MACROD2: variants seen among roughly 807,000 people sequenced by gnomAD.
MACROD2 encodes the protein mono-ADP ribosylhydrolase 2, also known as ADP-ribose glycohydrolase MACROD2.
MACROD2 carries 36 observed loss-of-function variants against 70.4 expected under a neutral mutation model. The observed-to-expected ratio is 0.51, with a 90% CI of 0.39 to 0.68. The LOEUF (loss-of-function observed/expected upper bound fraction) is 0.68. MACROD2 is among the 30% of genes least tolerant of loss of function. The pLI is 0.00. For synonymous variants in MACROD2, 172 were observed against 178.8 expected, an observed-to-expected ratio of 0.96 and a Z score of 0.30; for missense variants, 496 against 538.4, an observed-to-expected ratio of 0.92 and a Z score of 0.78.
At chr20:14,824,945 G>T (rs1432446119) in intron 5 of MACROD2, among the ~76,000 whole-genome samples, 1 of 152,086 alleles carries the variant, frequency 6.6e-6, no homozygotes, top group African/African-American at 2.4e-5. Flanking sequence ...TTCCATTTAA[G>T]ATAAATGAGG....
At chr20:14,515,503 G>A (rs2085087105) in intron 4 of MACROD2, among the ~76,000 whole-genome samples, 1 of 109,408 alleles carries the variant, frequency 9.1e-6, no homozygotes. Flanking sequence ...ACACACGATG[G>A]AATATTATAC....
At chr20:15,678,552 G>A (rs1344183047) in intron 8 of MACROD2, among the ~76,000 whole-genome samples, 1 of 152,046 alleles carries the variant, frequency 6.6e-6, no homozygotes, top group Non-Finnish European at 1.5e-5. Context: ...GTAGAGACGA[G>A]GTTTCGTTAT....
At chr20:15,044,652 G>A (rs2075379629) in intron 5 of MACROD2, among the ~76,000 whole-genome samples, 1 of 151,992 alleles carries the variant, frequency 6.6e-6, no homozygotes, top group South Asian at 2.1e-4. Context: ...TTTGCTTTTT[G>A]TGATTGTCTA....
intron 8 of MACROD2, among the ~76,000 whole-genome samples, chr20:15,660,767 C>G (rs1490326289): frequency 1.3e-5 from 2 of 152,168 alleles, no homozygotes; most frequent in African/African-American, 4.8e-5. Flanking sequence ...TGTGGGATTT[C>G]TTTTCCTACA....
At chr20:15,178,154 G>A (rs867685229) in intron 5 of MACROD2, among the ~76,000 whole-genome samples, 1 of 152,306 alleles carries the variant, frequency 6.6e-6, no homozygotes, top group Middle Eastern at 3.4e-3. Flanking sequence ...AGCAGTGATT[G>A]TGACTTCAGG....
intron 3 of MACROD2, among the ~76,000 whole-genome samples, chr20:14,466,276 C>A (rs1318777490): frequency 4.6e-5 from 7 of 152,038 alleles, no homozygotes; most frequent in Non-Finnish European, 1.0e-4. Flanking sequence ...CGCTTCATTT[C>A]ATTTATTTCA....
At chr20:16,006,119 C>T (rs2066784581) in intron 15 of MACROD2, among the ~76,000 whole-genome samples, 1 of 152,150 alleles carries the variant, frequency 6.6e-6, no homozygotes, top group East Asian at 1.9e-4. Context: ...AAGCAAAGAC[C>T]CTCTCCTCCG....
intron 3 of MACROD2, among the ~76,000 whole-genome samples, chr20:14,116,054 G>T (rs1173868421): frequency 1.3e-5 from 2 of 152,160 alleles, no homozygotes; most frequent in Non-Finnish European, 2.9e-5. Context: ...AGATGGGGCT[G>T]ATTGGTGAAT....
chr20:15,419,183 C>T (rs913105235), intron 6 of MACROD2, among the ~76,000 whole-genome samples: 16 of 152,088 alleles, frequency 1.1e-4, no homozygotes, highest in South Asian at 2.1e-4. Context: ...CCCAAGGCCA[C>T]GGGGTTGCTC....
chr20:15,531,763 T>C (rs930235475), intron 8 of MACROD2, among the ~76,000 whole-genome samples: 1 of 152,162 alleles, frequency 6.6e-6, no homozygotes, highest in Non-Finnish European at 1.5e-5. Context: ...TTTGTCTTTC[T>C]ATCTGACAGA....
intron 5 of MACROD2, among the ~76,000 whole-genome samples, chr20:15,213,746 GA>G (rs1568641805): frequency 6.6e-6 from 1 of 152,132 alleles, no homozygotes; most frequent in African/African-American, 2.4e-5. Flanking sequence ...TGGTTTGTGA[GA>G]GGGGCCATCT....
chr20:15,380,180 T>TA (rs2045623056), intron 6 of MACROD2, among the ~76,000 whole-genome samples: 1 of 111,692 alleles, frequency 9.0e-6, no homozygotes, highest in African/African-American at 6.1e-5. Flanking sequence ...ATACCATCAT[T>TA]TAAAAAAACC....
intron 5 of MACROD2, among the ~76,000 whole-genome samples, chr20:14,912,223 T>C (rs986923179): frequency 1.3e-5 from 2 of 152,312 alleles, no homozygotes; most frequent in Admixed American, 6.5e-5. Context: ...TAGCTTTGAC[T>C]CATTGTCACC....
intron 8 of MACROD2, among the ~76,000 whole-genome samples, chr20:15,544,109 G>A (rs1456045731): frequency 6.6e-6 from 1 of 152,188 alleles, no homozygotes; most frequent in Non-Finnish European, 1.5e-5. Flanking sequence ...GGAGCATCAT[G>A]TGATCTACCT....
At chr20:15,320,593 G>T (rs976229308) in intron 6 of MACROD2, among the ~76,000 whole-genome samples, 6 of 152,148 alleles carry the variant, frequency 3.9e-5, no homozygotes, top group African/African-American at 1.2e-4. Flanking sequence ...ACAACAAATT[G>T]TTGTAGGGAT....
chr20:14,482,495 G>A (rs985938968), intron 3 of MACROD2, among the ~76,000 whole-genome samples: 1 of 150,688 alleles, frequency 6.6e-6, no homozygotes, highest in Non-Finnish European at 1.5e-5. Context: ...AGTTAGATTT[G>A]TGCAAGAAGT....
chr20:15,041,528 C>T (rs1392996337), intron 5 of MACROD2, among the ~76,000 whole-genome samples: 1 of 152,052 alleles, frequency 6.6e-6, no homozygotes, highest in African/African-American at 2.4e-5. Flanking sequence ...TTACTGAAGC[C>T]TCAAGTTATC....
chr20:14,883,370 T>A (rs1388331257), intron 5 of MACROD2, among the ~76,000 whole-genome samples: 2 of 152,148 alleles, frequency 1.3e-5, no homozygotes, highest in Non-Finnish European at 2.9e-5. Context: ...GTGATTAGGA[T>A]GATAATAGAA....
At chr20:14,862,581 ATG>A (rs1410228706) in intron 5 of MACROD2, among the ~76,000 whole-genome samples, 2 of 33,410 alleles carry the variant, frequency 6.0e-5, no homozygotes, top group African/African-American at 1.2e-4. Context: ...ATAAATATAT[ATG>A]TATAAATATA....
Sources: gnomAD v4.1 joint callset for allele counts (sites outside exome capture counted in the v4.1 genomes callset) on GRCh38, gnomAD v4.1.1 for gene constraint, MANE v1.5 for transcripts, NCBI Gene and HGNC (gene_info 2026-07-23, HGNC 2026-07-21) for gene names.